The following FOXP2 variants were observed in gnomAD, a reference collection of about 807,000 sequenced individuals.
The protein encoded by FOXP2 is forkhead box P2, also known as forkhead box protein P2.
FOXP2 carries 12 observed loss-of-function variants against 115.8 expected under a neutral mutation model. That is an observed-to-expected ratio of 0.10 (90% CI 0.07 to 0.17). FOXP2 has a LOEUF of 0.17. FOXP2 is among the 10% of genes least tolerant of loss of function. FOXP2 has a pLI of 1.00. For missense variants in FOXP2, 629 were observed against 843.5 expected (o/e 0.75, Z 3.15); for synonymous variants, 328 against 297.7 (o/e 1.10, Z -1.05).
intron 1 of FOXP2, among the ~76,000 whole-genome samples, chr7:114,223,245 G>A (rs1031839398): frequency 2.0e-5 from 3 of 151,986 alleles, no homozygotes; most frequent in African/African-American, 7.2e-5. Flanking sequence ...TCCAGTTGCT[G>A]CACATGCTCA....
chr7:114,153,255 G>A (rs886968281), intron 1 of FOXP2, among the ~76,000 whole-genome samples: 27 of 152,148 alleles, frequency 1.8e-4, no homozygotes, highest in South Asian at 1.5e-3. Context: ...AATAAAAATG[G>A]CACCTCAGGA....
At chr7:114,649,314 A>T (rs1806102331) in intron 8 of FOXP2, among the ~76,000 whole-genome samples, 1 of 152,122 alleles carries the variant, frequency 6.6e-6, no homozygotes, top group Admixed American at 6.6e-5. Context: ...AGATAGTATT[A>T]TGGAGCATTC....
chr7:114,684,508 C>A (rs975569722), intron 16 of FOXP2, among the ~76,000 whole-genome samples: 1 of 152,174 alleles, frequency 6.6e-6, no homozygotes, highest in Admixed American at 6.6e-5. Context: ...TGTGGCTTGA[C>A]AGTAACTCAA....
intron 2 of FOXP2, among the ~76,000 whole-genome samples, chr7:114,477,564 G>T (rs1796334259): frequency 1.3e-5 from 2 of 151,792 alleles, no homozygotes; most frequent in South Asian, 4.1e-4. Flanking sequence ...CCTGGGTGGT[G>T]GGATCCATTC....
intron 3 of FOXP2, among the ~76,000 whole-genome samples, chr7:114,541,458 G>T (rs944739066): frequency 6.6e-6 from 1 of 151,960 alleles, no homozygotes; most frequent in African/African-American, 2.4e-5. Flanking sequence ...GCCACATCAA[G>T]CAATGTCCAC....
intron 1 of FOXP2, among the ~76,000 whole-genome samples, chr7:114,258,980 G>A (rs1455334779): frequency 1.3e-5 from 2 of 152,120 alleles, no homozygotes; most frequent in African/African-American, 4.8e-5. Flanking sequence ...GTCTTATTTA[G>A]TATAAAATTC....
At chr7:114,429,503 T>C (rs1421404154) in intron 2 of FOXP2, among the ~76,000 whole-genome samples, 1 of 151,582 alleles carries the variant, frequency 6.6e-6, no homozygotes, top group Non-Finnish European at 1.5e-5. Context: ...CAGATGTTGT[T>C]TTAGATTAAC....
In FOXP2 at chr7:114,642,407, T is replaced by C. The variant is rs767044679; in HGVS notation, c.776-3T>C. On this transcript the variant is annotated splice_polypyrimidine_tract_variant and splice_region_variant and intron_variant, in intron 6 of 16. Coordinates refer to ENST00000350908, the MANE Select transcript of FOXP2 (RefSeq NM_014491.4). ...GCTAGTGAAGCTTTCTTTCATTTTATAGCTGGCTTAAGTCCTGCTGAGATT... is the reference window on the plus strand; with the variant it reads ...GCTAGTGAAGCTTTCTTTCATTTTACAGCTGGCTTAAGTCCTGCTGAGATT... 1.2e-6 allele frequency: 2 copies of C among 1,612,856 alleles called. No individual in the cohort carries two copies. Among genetic ancestry groups the C allele is most frequent in the African/African-American group, 2.7e-5 (2 of 74,876 alleles).
intron 6 of FOXP2, among the ~76,000 whole-genome samples, chr7:114,638,362 T>C (rs1805338629): frequency 6.6e-6 from 1 of 152,084 alleles, no homozygotes; most frequent in Admixed American, 6.5e-5. Context: ...AGACCACAGA[T>C]CTCTTAGATT....
At chr7:114,365,802 T>C (rs1037503986) in intron 2 of FOXP2, among the ~76,000 whole-genome samples, 1 of 152,158 alleles carries the variant, frequency 6.6e-6, no homozygotes, top group Non-Finnish European at 1.5e-5. Flanking sequence ...TTAGTACTTC[T>C]CATACTTGAT....
chr7:114,382,444 G>A (rs1792330971), intron 2 of FOXP2, among the ~76,000 whole-genome samples: 1 of 152,134 alleles, frequency 6.6e-6, no homozygotes, highest in South Asian at 2.1e-4. Context: ...TGGACGAGGT[G>A]GTGGCTTATT....
In FOXP2 at chr7:114,693,215, A is replaced by G. The variant is rs183421330; in HGVS notation, c.*3289A>G. On this transcript the variant is annotated 3_prime_UTR_variant, in exon 17 of 17. Coordinates refer to ENST00000350908, the MANE Select transcript of FOXP2 (RefSeq NM_014491.4). Reference sequence around the variant, plus strand: ...AATTACCACTAACTGGGTTTTCTTTAGATAACTCAGATATGGAGAAAATGT... The same window carrying G: ...AATTACCACTAACTGGGTTTTCTTTGGATAACTCAGATATGGAGAAAATGT... The G allele has an allele frequency of 5.1e-5, 23 of 451,392 alleles. No individual in the cohort carries two copies. The East Asian group carries it at 8.3e-4, about 16-fold the overall frequency. 28.0% of individuals were successfully genotyped at this position (451,392 alleles called of 1,614,324 possible). A position where few individuals can be genotyped will look rare whatever the true frequency, so the allele number is the denominator to read the frequency against.
chr7:114,673,746 C>T (rs190231913), intron 16 of FOXP2, among the ~76,000 whole-genome samples: 34 of 152,284 alleles, frequency 2.2e-4, no homozygotes, highest in Non-Finnish European at 3.8e-4. Context: ...GTTGCCCAGG[C>T]TGGAGTGCAT....
chr7:114,357,215 T>C (rs1358263296), intron 2 of FOXP2, among the ~76,000 whole-genome samples: 1 of 152,162 alleles, frequency 6.6e-6, no homozygotes, highest in Non-Finnish European at 1.5e-5. Flanking sequence ...GTTACATATA[T>C]TTTGGGTGCT....
intron 2 of FOXP2, among the ~76,000 whole-genome samples, chr7:114,379,140 C>A (rs2129191262): frequency 2.6e-5 from 4 of 152,244 alleles, no homozygotes; most frequent in Admixed American, 2.6e-4. Flanking sequence ...AGCTCCCATA[C>A]AAATGGAGGG....
Position 114,334,931 on chromosome 7 carries a change from C to CTCTCTCTATATATATATATA in FOXP2, c.-11+46823_-11+46824insCTCTCTATATATATATATAT, listed in dbSNP as rs1554371352. 4.2e-5 allele frequency among the ~76,000 whole-genome samples: 5 copies of CTCTCTCTATATATATATATA among 119,326 alleles called. No individual in the cohort carries two copies. The South Asian group carries it at 1.4e-3, about 34-fold the overall frequency. The allele number at this position is 119,326 out of a possible 152,430, so 78.3% of individuals were successfully genotyped here. A position where few individuals can be genotyped will look rare whatever the true frequency, so the allele number is the denominator to read the frequency against. ...ATATATATTTTATATATATAGAAAT[C>CTCTCTCTATATATATATATA]TATATATATATATATATATATATAT... On this transcript the variant is annotated intron_variant, in intron 2 of 17. Coordinates refer to the FOXP2 transcript ENST00000634411.
intron 1 of FOXP2, among the ~76,000 whole-genome samples, chr7:114,191,755 A>C (rs994338721): frequency 1.1e-4 from 17 of 152,200 alleles, no homozygotes; most frequent in African/African-American, 4.1e-4. Flanking sequence ...TTGATGAACC[A>C]ATTGTGATAC....
intron 2 of FOXP2, among the ~76,000 whole-genome samples, chr7:114,324,986 A>T (rs1201452722): frequency 6.6e-6 from 1 of 151,914 alleles, no homozygotes; most frequent in Non-Finnish European, 1.5e-5. Context: ...GCATGCAAAG[A>T]GAAATAATCA....
chr7:114,446,022 G>T (rs1332703070), intron 2 of FOXP2, among the ~76,000 whole-genome samples: 1 of 142,122 alleles, frequency 7.0e-6, no homozygotes, highest in Non-Finnish European at 1.5e-5. Flanking sequence ...GAATTAATTA[G>T]TCTGTAATAT....
Sources: allele counts gnomAD v4.1 joint callset (sites outside exome capture counted in the v4.1 genomes callset), GRCh38; gene constraint gnomAD v4.1.1; transcripts MANE v1.5; gene names NCBI Gene and HGNC (gene_info 2026-07-23, HGNC 2026-07-21).